NEXN: variants seen among roughly 807,000 people sequenced by gnomAD.
NEXN encodes the protein nexilin F-actin binding protein, also known as nexilin.
Under a neutral mutation model 92.6 loss-of-function variants are expected in NEXN, and 65 were observed. That is an observed-to-expected ratio of 0.70 (90% CI 0.57 to 0.86). The LOEUF (loss-of-function observed/expected upper bound fraction) is 0.86, where lower values mean the gene tolerates loss of function less well. NEXN is among the 40% of genes least tolerant of loss of function. NEXN has a pLI of 0.00. For missense variants in NEXN, 778 were observed against 771.1 expected (o/e 1.01, Z -0.11); for synonymous variants, 254 against 242.5 (o/e 1.05, Z -0.44).
chr1:77,930,898 C>T (rs532093946), intron 9 of NEXN, among the ~76,000 whole-genome samples: 120 of 152,312 alleles, frequency 7.9e-4, no homozygotes, highest in South Asian at 2.5e-3. Flanking sequence ...GTCTTTTCCA[C>T]TCCATGAGGC....
chr1:77,941,975 T>G (rs1436874985), intron 11 of NEXN, 48 bp from the exon 12 acceptor site: 1 of 1,574,074 alleles, frequency 6.4e-7, no homozygotes, highest in African/African-American at 1.3e-5. Flanking sequence ...AACGCTTCTT[T>G]GTTTTTAGAA....
chr1:77,890,755 A>G (rs1323003917), intron 1 of NEXN, among the ~76,000 whole-genome samples: 3 of 152,184 alleles, frequency 2.0e-5, no homozygotes, highest in Admixed American at 1.3e-4. Context: ...GACAAAAAAA[A>G]GGGGGATTAT....
At chr1:77,929,851 C>T (rs530790867) in intron 9 of NEXN, among the ~76,000 whole-genome samples, 4 of 152,288 alleles carry the variant, frequency 2.6e-5, no homozygotes, top group East Asian at 1.9e-4. Flanking sequence ...TCCATTCTTT[C>T]GCCACCTCCT....
At chr1:77,940,365 A>G (rs1651158702) in intron 11 of NEXN, among the ~76,000 whole-genome samples, 1 of 152,234 alleles carries the variant, frequency 6.6e-6, no homozygotes, top group Non-Finnish European at 1.5e-5. Context: ...TACCTACAGA[A>G]TACCATTTAT....
chr1:77,912,175 A>C (rs1327262871), intron 1 of NEXN, among the ~76,000 whole-genome samples: 3 of 152,184 alleles, frequency 2.0e-5, no homozygotes, highest in Non-Finnish European at 1.5e-5. Context: ...TCATTAATTT[A>C]AATCTAAAAA....
intron 5 of NEXN, among the ~76,000 whole-genome samples, chr1:77,922,700 C>T (rs571850000): frequency 1.3e-5 from 2 of 151,770 alleles, no homozygotes; most frequent in South Asian, 4.2e-4. Flanking sequence ...TGGGTTCATG[C>T]CATTCTCCTG....
At chr1:77,902,245 TTTG>T (rs1417600504) in intron 1 of NEXN, among the ~76,000 whole-genome samples, 1 of 152,204 alleles carries the variant, frequency 6.6e-6, no homozygotes, top group East Asian at 1.9e-4. Context: ...AGGTATTCAA[TTTG>T]TTATTTTCTC....
chr1:77,905,217 G>A (rs1648024451), intron 1 of NEXN, among the ~76,000 whole-genome samples: 1 of 151,320 alleles, frequency 6.6e-6, no homozygotes, highest in Non-Finnish European at 1.5e-5. Flanking sequence ...AGCAGAGATT[G>A]CGCCATTGCC....
Position 77,926,507 on chromosome 1 carries a change from G to C in NEXN, c.583G>C (p.Glu195Gln), listed in dbSNP as rs1447535343. 2 of 1,612,028 alleles carry C rather than the reference G, an allele frequency of 1.2e-6. No individual in the cohort carries two copies. Among genetic ancestry groups the C allele is most frequent in the Admixed American group, 3.3e-5 (2 of 59,724 alleles). ...AAAGAATTTTGAGGATCTAGAAAAA[G>C]AACGTGAAGAGAAAGAAAGGATCAA... ...MKKNFEDLEK[E>Q]REEKERIKYE... The change falls in exon 7 of 13, where the codon GAA (glutamate) becomes CAA (glutamine). Residue 195 changes from glutamate to glutamine, a missense_variant. Glu to Gln is a conservative substitution (Grantham distance 29). Coordinates refer to ENST00000334785, the MANE Select transcript of NEXN (RefSeq NM_144573.4).
intron 8 of NEXN, 42 bp downstream of exon 8, chr1:77,926,934 G>A: frequency 1.9e-6 from 3 of 1,611,542 alleles, no homozygotes; most frequent in Non-Finnish European, 2.5e-6. Flanking sequence ...TATTAATGAA[G>A]TTAGCCGACT....
At chr1:77,902,499 C>T (rs1647803786) in intron 1 of NEXN, among the ~76,000 whole-genome samples, 1 of 152,036 alleles carries the variant, frequency 6.6e-6, no homozygotes, top group African/African-American at 2.4e-5. Context: ...TACATAGAGC[C>T]TAGGATATGG....
At chr1:77,907,572 G>A (rs1177540833) in intron 1 of NEXN, among the ~76,000 whole-genome samples, 1 of 152,102 alleles carries the variant, frequency 6.6e-6, no homozygotes, top group Non-Finnish European at 1.5e-5. Flanking sequence ...GGCTAGTGCT[G>A]TTCAAATTTT....
chr1:77,911,949 C>T (rs919593450), intron 1 of NEXN, among the ~76,000 whole-genome samples: 5 of 150,762 alleles, frequency 3.3e-5, no homozygotes, highest in African/African-American at 4.9e-5. Context: ...TGTGGTGGCA[C>T]GCACCTGTAG....
intron 1 of NEXN, among the ~76,000 whole-genome samples, chr1:77,892,917 A>G (rs1181580439): frequency 6.7e-6 from 1 of 150,226 alleles, no homozygotes; most frequent in Non-Finnish European, 1.5e-5. Flanking sequence ...CCCAGGCTAG[A>G]GTGCAGTGGC....
chr1:77,904,647 T>C (rs940226644), intron 1 of NEXN, among the ~76,000 whole-genome samples: 6 of 152,166 alleles, frequency 3.9e-5, no homozygotes, highest in Non-Finnish European at 8.8e-5. Flanking sequence ...GAGTCTACCA[T>C]GCGTACAGAG....
intron 1 of NEXN, among the ~76,000 whole-genome samples, chr1:77,910,674 C>G (rs547225569): frequency 2.0e-5 from 3 of 147,904 alleles, no homozygotes; most frequent in African/African-American, 7.6e-5. Context: ...TCACTTGAAC[C>G]CGAGAGGTGG....
intron 11 of NEXN, among the ~76,000 whole-genome samples, chr1:77,939,054 G>A (rs1651033570): frequency 6.6e-6 from 1 of 152,192 alleles, no homozygotes; most frequent in African/African-American, 2.4e-5. Flanking sequence ...AGGATGAACT[G>A]GAAGACAGGC....
At chr1:77,918,742 G>C (rs1649190382) in intron 5 of NEXN, among the ~76,000 whole-genome samples, 1 of 151,446 alleles carries the variant, frequency 6.6e-6, no homozygotes, top group Non-Finnish European at 1.5e-5. Flanking sequence ...ATGCCTAGAA[G>C]GACATGGGCA....
At chr1:77,942,278 G>C in intron 12 of NEXN, 70 bp downstream of exon 12, 1 of 1,527,258 alleles carries the variant, frequency 6.5e-7, no homozygotes, top group Non-Finnish European at 9.0e-7. Flanking sequence ...TAATTAGGTA[G>C]GTTAAAAAAA....
Sources: gnomAD v4.1 joint callset for allele counts (sites outside exome capture counted in the v4.1 genomes callset) on GRCh38, gnomAD v4.1.1 for gene constraint, MANE v1.5 for transcripts, NCBI Gene and HGNC (gene_info 2026-07-23, HGNC 2026-07-21) for gene names.